Variants in IQGAP1 observed in about 807,000 individuals in gnomAD.
IQGAP1 encodes IQ motif containing GTPase activating protein 1, also known as ras GTPase-activating-like protein IQGAP1.
In IQGAP1, 66 loss-of-function variants were observed where a neutral mutation model predicts 215.6. The ratio of observed to expected loss-of-function variants is 0.31; its 90% CI spans 0.25 to 0.38. IQGAP1 has a LOEUF of 0.38. Ranked by LOEUF, IQGAP1 falls within the 10% of genes least tolerant of loss-of-function variation. The pLI, the probability that IQGAP1 is intolerant of heterozygous loss-of-function variation, is 1.00. For synonymous variants in IQGAP1, 772 were observed against 728.7 expected (o/e 1.06, Z -0.96); for missense variants, 1,712 against 1,997.1 (o/e 0.86, Z 2.72).
rs1288704490 is a variant in IQGAP1, at chr15:90,452,812, G to A, written c.1200G>A (p.Gln400=). 5.0e-6 allele frequency: 8 copies of A among 1,614,044 alleles called. No individual in the cohort carries two copies. Among genetic ancestry groups the A allele is most frequent in the Non-Finnish European group, 6.8e-6 (8 of 1,180,012 alleles). The change falls in exon 12 of 38, where the codon CAG becomes CAA. Residue 400 remains glutamine, a synonymous_variant. Coordinates refer to ENST00000268182, the MANE Select transcript of IQGAP1 (RefSeq NM_003870.4). ...TAGCACTGATTAATGCTGCAATCCAGAAGGGTGTTGCTGAGAAGACTGTTT... is the reference window on the plus strand; with the variant it reads ...TAGCACTGATTAATGCTGCAATCCAAAAGGGTGTTGCTGAGAAGACTGTTT... ...AAVALINAAI[Q]KGVAEKTVLE...
chr15:90,405,865 A>G (rs909339022), intron 2 of IQGAP1, among the ~76,000 whole-genome samples: 2 of 150,726 alleles, frequency 1.3e-5, no homozygotes, highest in African/African-American at 4.9e-5. Context: ...TTCAGAGACT[A>G]TTTCAAATAA....
At chr15:90,473,221 C>G (rs953870117) in intron 19 of IQGAP1, 14 of 547,124 alleles carry the variant, frequency 2.6e-5, no homozygotes, top group Middle Eastern at 4.9e-4. Context: ...TTCTTGGGTA[C>G]CTCTTCCTCT....
intron 2 of IQGAP1, among the ~76,000 whole-genome samples, chr15:90,422,121 A>G (rs1965145908): frequency 6.6e-6 from 1 of 152,184 alleles, no homozygotes; most frequent in Non-Finnish European, 1.5e-5. Context: ...CCCTTTTTAG[A>G]CAGCCTGTGG....
chr15:90,481,567 A>G (rs114081388), intron 26 of IQGAP1, among the ~76,000 whole-genome samples: 1,637 of 152,086 alleles, frequency 0.011, 26 homozygotes, highest in African/African-American at 0.037. Context: ...TTCGTTTTGG[A>G]AGCTTTCCTT....
intron 2 of IQGAP1, among the ~76,000 whole-genome samples, chr15:90,406,406 C>T (rs1238778014): frequency 6.6e-6 from 1 of 152,228 alleles, no homozygotes; most frequent in African/African-American, 2.4e-5. Context: ...ACCTGGTGAT[C>T]CACCCGCCTC....
chr15:90,463,062 AG>A (rs1555439684), intron 15 of IQGAP1, among the ~76,000 whole-genome samples: 2 of 129,546 alleles, frequency 1.5e-5, no homozygotes, highest in Non-Finnish European at 3.3e-5. Context: ...CACTGGGATG[AG>A]GTGTAGTGTA....
At chr15:90,462,154 C>CG (rs1447938676) in intron 15 of IQGAP1, among the ~76,000 whole-genome samples, 9 of 152,024 alleles carry the variant, frequency 5.9e-5, no homozygotes, top group Non-Finnish European at 1.2e-4. Context: ...GGCGACAGAG[C>CG]GAGACTCTGT....
chr15:90,454,542 G>A lies in IQGAP1; in HGVS notation c.1602G>A (p.Glu534=). The A allele has an allele frequency of 6.4e-7, 1 of 1,574,102 alleles. No homozygotes were observed. Among genetic ancestry groups the A allele is most frequent in the Non-Finnish European group, 8.6e-7 (1 of 1,161,874 alleles). The change falls in exon 14 of 38, where the codon GAG becomes GAA. Residue 534 remains glutamate (E), a synonymous_variant. Coordinates refer to ENST00000268182, the MANE Select transcript of IQGAP1 (RefSeq NM_003870.4). ...ACCATGTGAACCTGGTGGTGCAAGA[G>A]GAACATGAGAGTGAGTTATCTTCCT... ...CVDHVNLVVQ[E]EHERILAIGL...
chr15:90,401,093 G>C (rs373464852), intron 2 of IQGAP1, among the ~76,000 whole-genome samples: 1 of 152,114 alleles, frequency 6.6e-6, no homozygotes, highest in Non-Finnish European at 1.5e-5. Flanking sequence ...AGACCATATC[G>C]TTGAGTTAGC....
At chr15:90,442,767 G>A (rs1965469726) in intron 8 of IQGAP1, among the ~76,000 whole-genome samples, 1 of 152,140 alleles carries the variant, frequency 6.6e-6, no homozygotes, top group East Asian at 1.9e-4. Flanking sequence ...TTAGGAGTTT[G>A]AGACCAGCCT....
In IQGAP1 at chr15:90,457,917, C is replaced by G. The variant is rs116128194; in HGVS notation, c.1776+1602C>G. On this transcript the variant is annotated intron_variant, in intron 15 of 37. Coordinates refer to ENST00000268182, the MANE Select transcript of IQGAP1 (RefSeq NM_003870.4). ...CTTAATTGAAACGTAATTCACGTAT[C>G]AGGTAATTCAGCGTCAGTGGACTTT... 3.6e-3 allele frequency among the ~76,000 whole-genome samples: 542 copies of G among 152,230 alleles called. 4 individuals are homozygous for G. The highest frequency in any genetic ancestry group is 0.013 in the African/African-American group (523 of 41,532).
At chr15:90,455,330 A>G (rs1056865161) in intron 14 of IQGAP1, among the ~76,000 whole-genome samples, 14 of 152,290 alleles carry the variant, frequency 9.2e-5, no homozygotes, top group East Asian at 1.9e-4. Flanking sequence ...ACGTGACTCT[A>G]TACCTCAGTG....
chr15:90,395,150 G>C (rs776898369), intron 2 of IQGAP1, among the ~76,000 whole-genome samples: 1 of 152,134 alleles, frequency 6.6e-6, no homozygotes, highest in Admixed American at 6.5e-5. Flanking sequence ...TTAAGCCGCT[G>C]TTCTAATGAG....
chr15:90,401,299 A>T (rs1229892373), intron 2 of IQGAP1, among the ~76,000 whole-genome samples: 1 of 152,166 alleles, frequency 6.6e-6, no homozygotes. Context: ...GAAGAGTAAG[A>T]GTTTACTTGC....
intron 23 of IQGAP1, 133 bp downstream of exon 23, chr15:90,474,826 T>A: frequency 1.5e-6 from 1 of 648,134 alleles, no homozygotes. Context: ...CTTTTTTTTT[T>A]TCTTTTGACT....
chr15:90,399,663 G>T (rs982788912), intron 2 of IQGAP1, among the ~76,000 whole-genome samples: 1 of 151,938 alleles, frequency 6.6e-6, no homozygotes, highest in East Asian at 1.9e-4. Context: ...TTTAATAATC[G>T]ATTGGCTTAC....
intron 35 of IQGAP1, chr15:90,493,957 TGTGTTCACTG>T (rs796135023): frequency 3.3e-5 from 5 of 152,370 alleles, no homozygotes; most frequent in African/African-American, 1.2e-4. Flanking sequence ...TAGAACTAGG[TGTGTTCACTG>T]CCAGATTTGT....
rs552222380 is a variant in IQGAP1, at chr15:90,496,306, C to CTTT, written c.4752-899_4752-897dup. Among the ~76,000 whole-genome samples, 61 of 106,114 alleles carry CTTT rather than the reference C, an allele frequency of 5.7e-4. 1 individual carries two copies. Among genetic ancestry groups the CTTT allele is most frequent in the African/African-American group, 9.7e-4 (22 of 22,586 alleles). The allele number at this position is 106,114 out of a possible 152,430, so 69.6% of individuals were successfully genotyped here. A position where few individuals can be genotyped will look rare whatever the true frequency, so the allele number is the denominator to read the frequency against. Reference sequence around the variant, plus strand: ...GATCATCCAGAGAACAGCATAATCCCTTTTTTTTTTTTTTTTTTTTTTTTT... The same window carrying CTTT: ...GATCATCCAGAGAACAGCATAATCCCTTTTTTTTTTTTTTTTTTTTTTTTTTTT... On this transcript the variant is annotated intron_variant, in intron 36 of 37. Coordinates refer to ENST00000268182, the MANE Select transcript of IQGAP1 (RefSeq NM_003870.4).
At chr15:90,395,389 C>A (rs990937888) in intron 2 of IQGAP1, among the ~76,000 whole-genome samples, 2 of 151,738 alleles carry the variant, frequency 1.3e-5, no homozygotes, top group Middle Eastern at 3.2e-3. Flanking sequence ...GACGCTATCT[C>A]GGCTCACTGC....
Sources: allele counts gnomAD v4.1 joint callset (sites outside exome capture counted in the v4.1 genomes callset), GRCh38; gene constraint gnomAD v4.1.1; transcripts MANE v1.5; gene names NCBI Gene and HGNC (gene_info 2026-07-23, HGNC 2026-07-21).